The following SLC8A2 variants were observed in gnomAD, a reference collection of about 807,000 sequenced individuals.
SLC8A2 encodes the protein sodium/calcium exchanger 2.
In SLC8A2, 14 loss-of-function variants were observed where a neutral mutation model predicts 70.2. The ratio of observed to expected loss-of-function variants is 0.20; its 90% CI spans 0.13 to 0.31. The LOEUF (loss-of-function observed/expected upper bound fraction) is 0.31, where lower values mean the gene tolerates loss of function less well. SLC8A2 is among the 10% of genes least tolerant of loss of function. The pLI, the probability that SLC8A2 is intolerant of heterozygous loss-of-function variation, is 1.00. For missense variants in SLC8A2, 779 were observed against 1,320.1 expected, an observed-to-expected ratio of 0.59 and a Z score of 6.35; for synonymous variants, 575 against 594.3, an observed-to-expected ratio of 0.97 and a Z score of 0.47.
chr19:47,439,330 C>G (rs1035296269), intron 6 of SLC8A2, among the ~76,000 whole-genome samples: 1 of 152,096 alleles, frequency 6.6e-6, no homozygotes, highest in African/African-American at 2.4e-5. Flanking sequence ...GAGTTCGAGA[C>G]CAGCCTGGCC....
Position 47,430,552 on chromosome 19 carries a change from C to T in SLC8A2, c.2390-87G>A, listed in dbSNP as rs1338322815. The T allele has an allele frequency of 7.2e-7, 1 of 1,393,596 alleles. No homozygotes were observed. Among genetic ancestry groups the T allele is most frequent in the Non-Finnish European group, 9.5e-7 (1 of 1,057,438 alleles). 86.3% of individuals were successfully genotyped at this position (1,393,596 alleles called of 1,614,324 possible). On this transcript the variant is annotated intron_variant, in intron 9 of 9. Transcript: ENST00000236877. This position sits in a 1 kb window ranked among gnomAD's most constrained non-coding sequence, Gnocchi z 5.9. ...CCGCCTGCCCCCTCCCAGCCTTTCC[C>T]GGTCGCCTGCTTTCTGCGGGCAGTG...
rs1967290363 is a variant in SLC8A2 at position 47,455,190 on chromosome 19, AG to A, written c.1340+1739del. Among the ~76,000 whole-genome samples, 3 of 152,258 alleles carry A rather than the reference AG, an allele frequency of 2.0e-5. No individual in the cohort carries two copies. In the South Asian group the frequency reaches 6.2e-4, roughly 32 times the overall value. On this transcript the variant is annotated intron_variant, in intron 3 of 9. Coordinates refer to ENST00000236877, the MANE Select transcript of SLC8A2 (RefSeq NM_015063.3). ...AGAGAAGATGAGCGAACTGAGTCCC[AG>A]GAAGAGAAGGGTTAAAGGGATGAGG...
rs1455514186 is a variant in SLC8A2, at chr19:47,448,111, C to A, written c.1461G>T (p.Val487=). 6.2e-7 allele frequency: 1 copy of A among 1,610,942 alleles called. No individual in the cohort carries two copies. The highest frequency in any genetic ancestry group is 1.7e-5 in the Admixed American group (1 of 59,804). The change falls in exon 4 of 10, where the codon GTG becomes GTT. Residue 487 remains valine (V), a synonymous_variant. Coordinates refer to ENST00000236877, the MANE Select transcript of SLC8A2 (RefSeq NM_015063.3). The surrounding 1 kb of genome is among the most constrained non-coding windows in gnomAD (Gnocchi z 4.8). ...GCTCGAACATGCCCTGCGCGTCGCC[C>A]ACGCGCAGGTTCAGCAGCCGCACGA... is the stretch of plus-strand genomic sequence containing the variant. The part of the protein sequence containing the change: ...HFFVRLLNLR[V]GDAQGMFEPD...
intron 9 of SLC8A2, among the ~76,000 whole-genome samples, chr19:47,431,634 AGAGC>A (rs531038091): frequency 2.2e-3 from 300 of 134,480 alleles, no homozygotes; most frequent in African/African-American, 7.7e-3. Flanking sequence ...CCTGGGTGAC[AGAGC>A]GAGACTCTGT....
At chr19:47,437,364 GT>G in intron 8 of SLC8A2, 97 bp downstream of exon 8, 1 of 938,064 alleles carries the variant, frequency 1.1e-6, no homozygotes, top group Non-Finnish European at 1.7e-6. Flanking sequence ...CGCCCGGCCT[GT>G]TTATCTTTGT....
Position 47,437,892 on chromosome 19 carries a change from T to C in SLC8A2, c.1967A>G (p.Asn656Ser). 1.9e-6 allele frequency: 3 copies of C among 1,614,070 alleles called. No individual in the cohort carries two copies. The highest frequency in any genetic ancestry group is 1.7e-6 in the Non-Finnish European group (2 of 1,179,990). The change falls in exon 7 of 10, where the codon AAC (asparagine) becomes AGC (serine). Residue 656 changes from asparagine to serine, a missense_variant. Around this residue, in one of 6 missense-constraint regions of SLC8A2, gnomAD observed 247 missense variants for 362.8 expected, o/e 0.68. Transcript: ENST00000236877. ...AEMGKPVLGE[N>S]CRLEVIIEES... is the part of the protein sequence containing the mutation. ...CTCGATGATGACCTCCAGCCGGCAGTTCTCCCCAAGAACTGGCTTGCCCAT... is the reference window on the plus strand; with the variant it reads ...CTCGATGATGACCTCCAGCCGGCAGCTCTCCCCAAGAACTGGCTTGCCCAT...
chr19:47,460,836 AAG>A lies in SLC8A2; in HGVS notation c.676-3244_676-3243del, dbSNP rs200782870. ...GCCTGGCACATGGAAAGCATCCACC[AAG>A]ACTCGAGGGTTTGCCTTGAAGATAT... is the stretch of plus-strand genomic sequence containing the variant. On this transcript the variant is annotated intron_variant, in intron 2 of 9. Coordinates refer to ENST00000236877, the MANE Select transcript of SLC8A2 (RefSeq NM_015063.3). Among the ~76,000 whole-genome samples, 438 of 152,300 alleles carry A rather than the reference AAG, an allele frequency of 2.9e-3. 5 individuals are homozygous for A. The highest frequency in any genetic ancestry group is 0.01 in the African/African-American group (418 of 41,566).
At chr19:47,437,740 ACCCT>A (rs957599042) in intron 7 of SLC8A2, 105 bp downstream of exon 7, 1 of 1,364,988 alleles carries the variant, frequency 7.3e-7, no homozygotes, top group Non-Finnish European at 1.0e-6. Flanking sequence ...CTGACGTGGG[ACCCT>A]TCTTTGGCTT....
intron 2 of SLC8A2, among the ~76,000 whole-genome samples, chr19:47,460,034 T>TC (rs1372086396): frequency 2.6e-5 from 4 of 152,126 alleles, no homozygotes; most frequent in Admixed American, 6.6e-5. Flanking sequence ...GCTCCATTTC[T>TC]CCCCCATCAC....
intron 1 of SLC8A2, among the ~76,000 whole-genome samples, chr19:47,471,528 G>A (rs1047008625): frequency 6.6e-6 from 1 of 151,878 alleles, no homozygotes. Flanking sequence ...GACGGGGTGG[G>A]GGCGGGGTGT....
At position 47,430,666 on chromosome 19, in the gene SLC8A2, T is replaced by C. The variant is rs1966945930; in HGVS notation, c.2390-201A>G. ...GCCACTGGAACCGCTGCCGGCTTTC[T>C]ATGGGACCTGCCGCCTGCTTTCTGT... On this transcript the variant is annotated intron_variant, in intron 9 of 9. Transcript: ENST00000236877. This position sits in a 1 kb window ranked among gnomAD's most constrained non-coding sequence, Gnocchi z 5.9. Among the ~76,000 whole-genome samples, 1 of 152,202 alleles carries C rather than the reference T, an allele frequency of 6.6e-6. No homozygotes were observed. The highest frequency in any genetic ancestry group is 2.1e-4 in the South Asian group (1 of 4,832).
At chr19:47,435,550 GTTT>G (rs895524785) in intron 8 of SLC8A2, among the ~76,000 whole-genome samples, 2 of 133,292 alleles carry the variant, frequency 1.5e-5, no homozygotes, top group Admixed American at 7.6e-5. Context: ...TCTTTTCTTC[GTTT>G]TTTTTTTTTT....
Position 47,465,585 on chromosome 19 carries a change from A to G in SLC8A2, c.675+144T>C. ...CTCAATTCCCTTGTGTAGTCTGGTGACCTGCACAACCGTACTTGGCAGCCC... is the reference window on the plus strand; with the variant it reads ...CTCAATTCCCTTGTGTAGTCTGGTGGCCTGCACAACCGTACTTGGCAGCCC... On this transcript the variant is annotated intron_variant, in intron 2 of 9. Coordinates refer to ENST00000236877, the MANE Select transcript of SLC8A2 (RefSeq NM_015063.3). This position sits in a 1 kb window ranked among gnomAD's most constrained non-coding sequence, Gnocchi z 5.5. 1.4e-6 allele frequency: 1 copy of G among 727,144 alleles called. No homozygotes were observed. Among genetic ancestry groups the G allele is most frequent in the South Asian group, 1.9e-5 (1 of 52,950 alleles). 45.0% of individuals were successfully genotyped at this position (727,144 alleles called of 1,614,324 possible). A position where few individuals can be genotyped will look rare whatever the true frequency, so the allele number is the denominator to read the frequency against.
chr19:47,431,564 G>A (rs1008586174), intron 9 of SLC8A2, among the ~76,000 whole-genome samples: 3 of 149,402 alleles, frequency 2.0e-5, no homozygotes, highest in Non-Finnish European at 3.0e-5. Flanking sequence ...CAGAAGAATC[G>A]CTTGAACCTG....
In SLC8A2 at chr19:47,457,545, A is replaced by C. The variant is rs932660883; in HGVS notation, c.725T>G (p.Phe242Cys). The C allele has an allele frequency of 1.9e-6, 3 of 1,598,098 alleles. No individual in the cohort carries two copies. The highest frequency in any genetic ancestry group is 2.6e-6 in the Non-Finnish European group (3 of 1,173,270). Residue 242 changes from phenylalanine to cysteine, a missense_variant, in exon 3 of 10, where the codon TTC becomes TGC. By Grantham distance (205) the Phe-to-Cys change is radical (BLOSUM62 -2). Transcript: ENST00000236877. ...TLVFFPVCVVFAWMADKRLLF... is the reference protein window; with the variant it reads ...TLVFFPVCVVCAWMADKRLLF... ...CAGCCGCTTGTCGGCCATCCAGGCG[A>C]ATACCACGCACACCGGGAAGAAGAC...
In SLC8A2 at chr19:47,465,466, T is replaced by C. The variant is rs1053768592; in HGVS notation, c.675+263A>G. Among the ~76,000 whole-genome samples, 9 of 152,074 alleles carry C rather than the reference T, an allele frequency of 5.9e-5. No individual in the cohort carries two copies. Among genetic ancestry groups the C allele is most frequent in the African/African-American group, 2.2e-4 (9 of 41,440 alleles). On this transcript the variant is annotated intron_variant, in intron 2 of 9. Transcript: ENST00000236877. The surrounding 1 kb of genome is among the most constrained non-coding windows in gnomAD (Gnocchi z 5.5). The stretch of plus-strand genomic sequence containing the variant: ...TCTTAAGTGCAAAACAGTGCGTCCC[T>C]CTGGACAAATAAATGTTTGCTGCAC...
chr19:47,457,565 G>A lies in SLC8A2; in HGVS notation c.705C>T (p.Phe235=). The part of the protein sequence containing the change: ...QVWEALLTLV[F]FPVCVVFAWM... ...AGGCGAATACCACGCACACCGGGAA[G>A]AAGACCAGGGTCAGCAGCGCCTCCC... The change falls in exon 3 of 10, where the codon TTC becomes TTT. Residue 235 remains phenylalanine (F), a synonymous_variant. Coordinates refer to ENST00000236877, the MANE Select transcript of SLC8A2 (RefSeq NM_015063.3). The A allele has an allele frequency of 6.3e-7, 1 of 1,583,864 alleles. No individual in the cohort carries two copies. The highest frequency in any genetic ancestry group is 8.6e-7 in the Non-Finnish European group (1 of 1,165,178).
At chr19:47,445,014 T>G (rs1224099295) in intron 4 of SLC8A2, among the ~76,000 whole-genome samples, 4 of 151,490 alleles carry the variant, frequency 2.6e-5, no homozygotes, top group African/African-American at 9.7e-5. Context: ...CGTCTCCATC[T>G]CTCTGCCTTT....
chr19:47,452,798 C>G (rs561673405), intron 3 of SLC8A2, among the ~76,000 whole-genome samples: 1 of 151,954 alleles, frequency 6.6e-6, no homozygotes, highest in Non-Finnish European at 1.5e-5. Flanking sequence ...TTTGGGAGGC[C>G]GGGGTGGATG....
Sources: gnomAD v4.1 joint callset for allele counts (sites outside exome capture counted in the v4.1 genomes callset) on GRCh38, gnomAD v4.1.1 for gene constraint, gnomAD v4.1.1 regional missense constraint, Gnocchi (gnomAD v3.1) non-coding constraint, MANE v1.5 for transcripts, NCBI Gene and HGNC (gene_info 2026-07-23, HGNC 2026-07-21) for gene names.